The following STXBP4 variants were observed in gnomAD, a reference collection of about 807,000 sequenced individuals.
The protein encoded by STXBP4 is syntaxin binding protein 4, also known as syntaxin-binding protein 4.
In STXBP4, 55 loss-of-function variants were observed where a neutral mutation model predicts 76.1. The observed-to-expected ratio is 0.72, with a 90% CI of 0.58 to 0.91. STXBP4 has a LOEUF of 0.91. Among genes scored for constraint, STXBP4 ranks in the 40% least tolerant of loss-of-function variants. The probability of loss-of-function intolerance (pLI) is 0.00; values close to 1 mark genes in which losing one functional copy is unlikely to be tolerated. For missense variants in STXBP4, 618 were observed against 636.9 expected (o/e 0.97, Z 0.32); for synonymous variants, 201 against 220.2 (o/e 0.91, Z 0.77).
At chr17:55,188,905 A>G in the STXBP4 span, among the ~76,000 whole-genome samples, 12 of 152,174 alleles carry the variant, frequency 7.9e-5, no homozygotes, top group South Asian at 2.1e-4. Flanking sequence ...TTTTGTATCA[A>G]TTCTTACTGT....
At position 55,078,099 on chromosome 17, in the gene STXBP4, AAG is replaced by A; in HGVS notation, c.1214_1215del (p.Arg405AsnfsTer19). Reference protein sequence around the residue: ...QNKESVQDLKKRIMVLDCQLR... With the variant: ...QNKESVQDLKXRIMVLDCQLR... ...GCAGGAAAGTGTTCAGGATTTAAAA[AAG>A]AGAATCATGGTACTCGACTGCCAAT... On this transcript the variant is annotated frameshift_variant, in exon 14 of 18. Coordinates refer to ENST00000376352, the MANE Select transcript of STXBP4 (RefSeq NM_178509.6). LOFTEE classifies it high-confidence loss of function. The A allele has an allele frequency of 6.2e-7, 1 of 1,610,202 alleles. No individual in the cohort carries two copies. The highest frequency in any genetic ancestry group is 8.5e-7 in the Non-Finnish European group (1 of 1,178,360).
chr17:54,998,087 A>C (rs1356031263), intron 4 of STXBP4, among the ~76,000 whole-genome samples: 1 of 152,256 alleles, frequency 6.6e-6, no homozygotes, highest in East Asian at 1.9e-4. Flanking sequence ...TCAGTGAAAG[A>C]GATAGTACTT....
the STXBP4 span, among the ~76,000 whole-genome samples, chr17:55,209,792 TG>T: frequency 6.6e-6 from 1 of 152,318 alleles, no homozygotes; most frequent in South Asian, 2.1e-4. Context: ...TTCGGCTTTC[TG>T]AGAACATGGC....
chr17:55,199,002 C>G, the STXBP4 span, among the ~76,000 whole-genome samples: 1 of 152,162 alleles, frequency 6.6e-6, no homozygotes, highest in African/African-American at 2.4e-5. Flanking sequence ...TGGCCATTTA[C>G]AATTACTAAG....
chr17:55,023,916 CAAAAAA>C (rs61454264), intron 8 of STXBP4, among the ~76,000 whole-genome samples: 23 of 62,242 alleles, frequency 3.7e-4, no homozygotes, highest in Admixed American at 8.9e-4. Context: ...GGCCCTTTTC[CAAAAAA>C]AAAAAAAAAA....
chr17:55,072,807 A>G, intron 12 of STXBP4, 93 bp from the exon 13 acceptor site: 1 of 1,092,832 alleles, frequency 9.2e-7, no homozygotes, highest in Non-Finnish European at 1.3e-6. Context: ...ACTTTTTGGA[A>G]TTATAACTTC....
In STXBP4 at chr17:55,047,163, A is replaced by G; in HGVS notation, c.1011+9A>G. On this transcript the variant is annotated intron_variant, in intron 12 of 17. Coordinates refer to ENST00000376352, the MANE Select transcript of STXBP4 (RefSeq NM_178509.6). ...TCCAGAATGTGAAACAAGTAAGTAT[A>G]TGTATTGTGTATATATGTGCTCGTG... 1.9e-6 allele frequency: 3 copies of G among 1,560,970 alleles called. No homozygotes were observed. Among genetic ancestry groups the G allele is most frequent in the Non-Finnish European group, 2.6e-6 (3 of 1,136,480 alleles).
chr17:55,128,827 C>G (rs2079941152), intron 16 of STXBP4, among the ~76,000 whole-genome samples: 1 of 151,666 alleles, frequency 6.6e-6, no homozygotes, highest in Non-Finnish European at 1.5e-5. Context: ...GTTGGCCAGG[C>G]TGGTCTTGAA....
At chr17:55,050,412 T>A (rs1403861858) in intron 12 of STXBP4, among the ~76,000 whole-genome samples, 1 of 152,108 alleles carries the variant, frequency 6.6e-6, no homozygotes, top group Admixed American at 6.6e-5. Flanking sequence ...GCCAGTTAAA[T>A]CTATACTACC....
chr17:55,132,427 G>A (rs2787485), intron 16 of STXBP4, among the ~76,000 whole-genome samples: 96,779 of 151,788 alleles, frequency 0.64, 31,712 homozygotes, highest in African/African-American at 0.79. Flanking sequence ...CTGACCTCAT[G>A]ATCTGCCCTC....
rs2080414190 is a variant in STXBP4, at chr17:55,172,852, T to G, written c.*12941T>G. On this transcript the variant is annotated 3_prime_UTR_variant, in exon 18 of 18. Transcript: ENST00000376352. The stretch of plus-strand genomic sequence containing the variant: ...GCAAGCCAGGACAGGTAGGTCACCC[T>G]GCACCTACACAAGGACTGAGCTGAG... 1 of 152,170 alleles carries G rather than the reference T, an allele frequency of 6.6e-6. No homozygotes were observed. The highest frequency in any genetic ancestry group is 1.5e-5 in the Non-Finnish European group (1 of 68,022). The allele number at this position is 152,170 out of a possible 1,614,324, so 9.4% of individuals were successfully genotyped here. A position where few individuals can be genotyped will look rare whatever the true frequency, so the allele number is the denominator to read the frequency against.
At chr17:55,008,551 T>C (rs1459664650) in intron 8 of STXBP4, among the ~76,000 whole-genome samples, 2 of 152,116 alleles carry the variant, frequency 1.3e-5, no homozygotes, top group African/African-American at 4.8e-5. Flanking sequence ...TTACCTGACA[T>C]GAGAACCTTC....
At chr17:55,032,388 G>C (rs2078524782) in intron 9 of STXBP4, among the ~76,000 whole-genome samples, 1 of 152,082 alleles carries the variant, frequency 6.6e-6, no homozygotes, top group African/African-American at 2.4e-5. Flanking sequence ...TCTAAGGACA[G>C]AAAAATGGGT....
In STXBP4 at chr17:55,148,534, CT is replaced by C. The variant is rs879297990; in HGVS notation, c.1547+7180del. On this transcript the variant is annotated intron_variant, in intron 17 of 17. Coordinates refer to ENST00000376352, the MANE Select transcript of STXBP4 (RefSeq NM_178509.6). The stretch of plus-strand genomic sequence containing the variant: ...TCTAAATCCTTTACAATTATTTTAG[CT>C]TTTTTTTTTTTTCTTTTTTTTGAGA... Among the ~76,000 whole-genome samples, 706 of 144,678 alleles carry C rather than the reference CT, an allele frequency of 4.9e-3. 11 individuals carry two copies. The highest frequency in any genetic ancestry group is 0.029 in the Middle Eastern group (8 of 276). The allele number at this position is 144,678 out of a possible 152,430, so 94.9% of individuals were successfully genotyped here.
At chr17:55,137,694 G>A (rs1288364407) in intron 16 of STXBP4, among the ~76,000 whole-genome samples, 1 of 152,066 alleles carries the variant, frequency 6.6e-6, no homozygotes, top group Non-Finnish European at 1.5e-5. Context: ...TTCTTTGTGA[G>A]TATTAAGTGT....
intron 16 of STXBP4, among the ~76,000 whole-genome samples, chr17:55,139,381 G>A (rs1181594750): frequency 2.0e-5 from 3 of 152,052 alleles, no homozygotes; most frequent in Non-Finnish European, 4.4e-5. Context: ...ATTATTTAGC[G>A]GGCAAAAATT....
intron 10 of STXBP4, among the ~76,000 whole-genome samples, chr17:55,042,722 A>C (rs550396779): frequency 1.1e-4 from 17 of 152,232 alleles, no homozygotes; most frequent in African/African-American, 3.6e-4. Flanking sequence ...TCTTCAATCT[A>C]CAATTTCTGT....
intron 8 of STXBP4, among the ~76,000 whole-genome samples, chr17:55,010,536 T>G (rs977450473): frequency 1.3e-5 from 2 of 152,138 alleles, no homozygotes; most frequent in Non-Finnish European, 2.9e-5. Context: ...TCTCATTTGA[T>G]CCTAATATTA....
rs769002151 is a variant in STXBP4 at position 55,078,168 on chromosome 17, A to G, written c.1279A>G (p.Thr427Ala). 6 of 1,611,432 alleles carry G rather than the reference A, an allele frequency of 3.7e-6. No homozygotes were observed. Among genetic ancestry groups the G allele is most frequent in the Middle Eastern group, 1.6e-4 (1 of 6,062 alleles). Residue 427 changes from threonine to alanine, a missense_variant, in exon 14 of 18, where the codon ACT becomes GCT. Coordinates refer to ENST00000376352, the MANE Select transcript of STXBP4 (RefSeq NM_178509.6). The part of the protein sequence containing the change: ...EMARKTFEAS[T>A]EKLLHFVEAI... ...GGCTCGAAAAACTTTTGAGGCATCCACTGAAAAGCTTCTTCATTTTGTAGA... is the reference window on the plus strand; with the variant it reads ...GGCTCGAAAAACTTTTGAGGCATCCGCTGAAAAGCTTCTTCATTTTGTAGA...
Sources: gnomAD v4.1 joint callset for allele counts (sites outside exome capture counted in the v4.1 genomes callset) on GRCh38, gnomAD v4.1.1 for gene constraint, MANE v1.5 for transcripts, NCBI Gene and HGNC (gene_info 2026-07-23, HGNC 2026-07-21) for gene names.